Variants in ANKRD17 observed in about 807,000 individuals in gnomAD.
ANKRD17 encodes ankyrin repeat domain 17.
In ANKRD17, 19 loss-of-function variants were observed where a neutral mutation model predicts 229.7. The ratio of observed to expected loss-of-function variants is 0.08; its 90% CI spans 0.06 to 0.12. The LOEUF is 0.12. Ranked by LOEUF, ANKRD17 falls within the 10% of genes least tolerant of loss-of-function variation. The pLI, the probability that ANKRD17 is intolerant of heterozygous loss-of-function variation, is 1.00. For synonymous variants in ANKRD17, 1,112 were observed against 1,146.1 expected, an observed-to-expected ratio of 0.97 and a Z score of 0.60; for missense variants, 2,176 against 3,176.8, an observed-to-expected ratio of 0.68 and a Z score of 7.57.
chr4:73,218,230 T>C (rs1253457499), intron 1 of ANKRD17, among the ~76,000 whole-genome samples: 1 of 152,180 alleles, frequency 6.6e-6, no homozygotes, highest in Non-Finnish European at 1.5e-5. Flanking sequence ...ATAAGGGATA[T>C]CCGCTTTTTA....
rs568690473 is a variant in ANKRD17, at chr4:73,158,811, A to C, written c.704+2381T>G. On this transcript the variant is annotated intron_variant, in intron 3 of 33. Coordinates refer to ENST00000358602, the MANE Select transcript of ANKRD17 (RefSeq NM_032217.5). Reference sequence around the variant, plus strand: ...AAAAGGAAGAGAAACCTGAACTAGCACACTTAGCCTACTTGCCATGTGATG... The same window carrying C: ...AAAAGGAAGAGAAACCTGAACTAGCCCACTTAGCCTACTTGCCATGTGATG... 5.4e-4 allele frequency among the ~76,000 whole-genome samples: 83 copies of C among 152,356 alleles called. 1 individual carries two copies. The South Asian group carries it at 0.016, about 29-fold the overall frequency.
Position 73,142,293 on chromosome 4 carries a change from G to C in ANKRD17, c.2178C>G (p.Ala726=). Residue 726 remains alanine, a synonymous_variant, in exon 13 of 34, where the codon GCC becomes GCG. Transcript: ENST00000358602. ...LLDYPNNLLS[A]PPPDVTQLTP... ...TTAACTGAGTGACATCTGGTGGAGG[G>C]GCTGAAAGCAAGTTATTAGGATAAT... The C allele has an allele frequency of 6.4e-7, 1 of 1,559,358 alleles. No homozygotes were observed. The highest frequency in any genetic ancestry group is 8.6e-7 in the Non-Finnish European group (1 of 1,165,634).
intron 23 of ANKRD17, among the ~76,000 whole-genome samples, chr4:73,115,031 A>G (rs1249444054): frequency 2.6e-5 from 4 of 152,172 alleles, no homozygotes; most frequent in Non-Finnish European, 5.9e-5. Context: ...ATTCCTAGCC[A>G]ATTCATTCTA....
At chr4:73,135,324 C>T in intron 15 of ANKRD17, 59 bp from the exon 16 acceptor site, 1 of 1,482,496 alleles carries the variant, frequency 6.7e-7, no homozygotes. Flanking sequence ...AATACTAAGA[C>T]ATATTCACTC....
intron 3 of ANKRD17, among the ~76,000 whole-genome samples, chr4:73,160,160 T>C (rs1356228931): frequency 6.6e-6 from 1 of 151,322 alleles, no homozygotes; most frequent in Admixed American, 6.6e-5. Context: ...CATGTATTAA[T>C]GATTCTTTTC....
intron 2 of ANKRD17, among the ~76,000 whole-genome samples, chr4:73,170,313 C>T (rs1733813278): frequency 6.6e-6 from 1 of 152,048 alleles, no homozygotes; most frequent in Non-Finnish European, 1.5e-5. Context: ...TCTTTCTACA[C>T]ACACCCTGTG....
chr4:73,145,558 C>G (rs890512799), intron 10 of ANKRD17, among the ~76,000 whole-genome samples: 14 of 152,052 alleles, frequency 9.2e-5, no homozygotes, highest in Admixed American at 8.5e-4. Flanking sequence ...GCCTTCACAT[C>G]TGATGAACAA....
chr4:73,172,910 A>G (rs893778811), intron 2 of ANKRD17, among the ~76,000 whole-genome samples: 1 of 152,214 alleles, frequency 6.6e-6, no homozygotes, highest in Non-Finnish European at 1.5e-5. Context: ...TAACAATACA[A>G]AACAACTTGA....
chr4:73,141,890 TTAAG>T (rs1309681265), intron 13 of ANKRD17, 47 bp from the exon 14 acceptor site: 3 of 1,373,184 alleles, frequency 2.2e-6, no homozygotes, highest in Non-Finnish European at 3.1e-6. Context: ...ACACAATCCA[TTAAG>T]TAATATGCTC....
At chr4:73,139,471 C>T in intron 15 of ANKRD17, 60 bp downstream of exon 15, 1 of 1,525,552 alleles carries the variant, frequency 6.6e-7, no homozygotes, top group East Asian at 2.3e-5. Flanking sequence ...AATTTGGGTA[C>T]ATTCTTACTC....
intron 1 of ANKRD17, among the ~76,000 whole-genome samples, chr4:73,254,266 C>T (rs1745267151): frequency 6.6e-6 from 1 of 152,166 alleles, no homozygotes; most frequent in South Asian, 2.1e-4. Context: ...ACAGATCCTC[C>T]CTGGCCTTGC....
intron 24 of ANKRD17, among the ~76,000 whole-genome samples, chr4:73,109,888 A>G (rs1326248801): frequency 3.3e-5 from 5 of 151,944 alleles, no homozygotes; most frequent in Non-Finnish European, 7.4e-5. Flanking sequence ...TAAAAGTAGA[A>G]TTCTAGAGGG....
In ANKRD17 at chr4:73,252,411, C is replaced by T. The variant is rs538988566; in HGVS notation, c.393+5865G>A. Among the ~76,000 whole-genome samples, 84 of 152,292 alleles carry T rather than the reference C, an allele frequency of 5.5e-4. 1 individual carries two copies. In the South Asian group the frequency reaches 0.016, roughly 29 times the overall value. On this transcript the variant is annotated intron_variant, in intron 1 of 33. Coordinates refer to ENST00000358602, the MANE Select transcript of ANKRD17 (RefSeq NM_032217.5). Reference sequence around the variant, plus strand: ...ACCACATCATCTGCTTAGTTAGAAGCAGTTTCCAAACTCTTAATAATCCAA... The same window carrying T: ...ACCACATCATCTGCTTAGTTAGAAGTAGTTTCCAAACTCTTAATAATCCAA...
chr4:73,156,582 T>A (rs1045487737), intron 3 of ANKRD17, among the ~76,000 whole-genome samples: 3 of 152,112 alleles, frequency 2.0e-5, no homozygotes, highest in African/African-American at 7.2e-5. Flanking sequence ...ATGAGTGAGT[T>A]CTCATGATAT....
At chr4:73,178,396 A>G (rs1041808024) in intron 1 of ANKRD17, among the ~76,000 whole-genome samples, 2 of 152,190 alleles carry the variant, frequency 1.3e-5, no homozygotes, top group African/African-American at 2.4e-5. Context: ...ACTAATATTG[A>G]AAGAACATGC....
Position 73,142,310 on chromosome 4 carries a change from T to C in ANKRD17, c.2161A>G (p.Asn721Asp). 6.4e-7 allele frequency: 1 copy of C among 1,569,808 alleles called. No individual in the cohort carries two copies. The highest frequency in any genetic ancestry group is 8.6e-7 in the Non-Finnish European group (1 of 1,169,440). ...SVVCYLLDYP[N>D]NLLSAPPPDV... ...GGTGGAGGGGCTGAAAGCAAGTTAT[T>C]AGGATAATCCAAGAGATAGCAAACA... The change falls in exon 13 of 34, where the codon AAT (asparagine) becomes GAT (aspartate). Residue 721 changes from asparagine to aspartate, a missense_variant. This residue lies in a region of ANKRD17 where 275 missense variants were observed against 386.9 expected (regional missense o/e 0.71). Coordinates refer to ENST00000358602, the MANE Select transcript of ANKRD17 (RefSeq NM_032217.5).
At chr4:73,097,996 T>A in intron 26 of ANKRD17, 77 bp downstream of exon 26, 1 of 1,409,468 alleles carries the variant, frequency 7.1e-7, no homozygotes, top group Non-Finnish European at 9.6e-7. Flanking sequence ...GCAAATTTAC[T>A]TTCTTTACCA....
chr4:73,116,040 C>T, intron 22 of ANKRD17, 124 bp from the exon 23 acceptor site: 1 of 719,268 alleles, frequency 1.4e-6, no homozygotes, highest in Non-Finnish European at 2.3e-6. Flanking sequence ...CATATTTACA[C>T]TATAAATGAA....
rs377205886 is a variant in ANKRD17, at chr4:73,161,463, T to C, written c.548-115A>G. 61 of 1,000,588 alleles carry C rather than the reference T, an allele frequency of 6.1e-5. No homozygotes were observed. The South Asian group carries it at 8.8e-4, about 14-fold the overall frequency. The allele number at this position is 1,000,588 out of a possible 1,614,324, so 62.0% of individuals were successfully genotyped here. ...AACAAATAACCTCCAAATGGTAGAG[T>C]AGACATATATATTGGCTGCCCAGCA... On this transcript the variant is annotated intron_variant, in intron 2 of 33. Transcript: ENST00000358602.
Sources: gnomAD v4.1 joint callset for allele counts (sites outside exome capture counted in the v4.1 genomes callset) on GRCh38, gnomAD v4.1.1 for gene constraint, gnomAD v4.1.1 regional missense constraint, MANE v1.5 for transcripts, NCBI Gene and HGNC (gene_info 2026-07-23, HGNC 2026-07-21) for gene names.